Variants in FANCI observed in about 807,000 individuals in gnomAD.
The protein encoded by FANCI is Fanconi anemia group I protein.
Under a neutral mutation model 176.1 loss-of-function variants are expected in FANCI, and 156 were observed. That is an observed-to-expected ratio of 0.89 (90% CI 0.78 to 1.01). The LOEUF (loss-of-function observed/expected upper bound fraction) is 1.01. Among genes scored for constraint, FANCI ranks in the 50% least tolerant of loss-of-function variants. The probability of loss-of-function intolerance (pLI) is 0.00; values close to 1 mark genes in which losing one functional copy is unlikely to be tolerated. For missense variants in FANCI, 1,678 were observed against 1,534.1 expected, an observed-to-expected ratio of 1.09 and a Z score of -1.57; for synonymous variants, 613 against 541.7, an observed-to-expected ratio of 1.13 and a Z score of -1.83.
intron 3 of FANCI, 106 bp from the exon 4 acceptor site, chr15:89,260,607 T>G: frequency 1.1e-4 from 157 of 1,404,024 alleles, no homozygotes; most frequent in Middle Eastern, 2.3e-4. Flanking sequence ...AATCAGTCGT[T>G]TGATAATTCT....
At chr15:89,293,722 T>C (rs1261890420) in intron 22 of FANCI, 111 bp from the exon 23 acceptor site, 1 of 1,052,608 alleles carries the variant, frequency 9.5e-7, no homozygotes, top group African/African-American at 1.6e-5. Context: ...ATTTATAATG[T>C]TACGTCTAAA....
intron 22 of FANCI, among the ~76,000 whole-genome samples, 159 bp from the exon 23 acceptor site, chr15:89,293,674 C>G (rs1323266443): frequency 6.6e-6 from 1 of 152,150 alleles, no homozygotes; most frequent in Non-Finnish European, 1.5e-5. Flanking sequence ...AGATAGATTG[C>G]TGTGACCTGG....
chr15:89,291,750 A>G, intron 20 of FANCI, 36 bp downstream of exon 20: 4 of 1,536,824 alleles, frequency 2.6e-6, no homozygotes, highest in Non-Finnish European at 3.6e-6. Flanking sequence ...CATTATTTTT[A>G]GTATTAAGGA....
At chr15:89,306,351 A>G (rs1450539678) in intron 32 of FANCI, among the ~76,000 whole-genome samples, 157 bp downstream of exon 32, 1 of 152,002 alleles carries the variant, frequency 6.6e-6, no homozygotes, top group Admixed American at 6.6e-5. Flanking sequence ...TTTGGTCAGT[A>G]GGTGGCAGGC....
chr15:89,301,920 TCC>T (rs1288725398), intron 27 of FANCI, among the ~76,000 whole-genome samples: 2 of 152,202 alleles, frequency 1.3e-5, no homozygotes, highest in Non-Finnish European at 2.9e-5. Flanking sequence ...GTAACTATAG[TCC>T]CAAAGCAGAA....
In FANCI at chr15:89,293,962, G is replaced by A. The variant is rs1282555629; in HGVS notation, c.2421G>A (p.Met807Ile). The A allele has an allele frequency of 6.2e-7, 1 of 1,614,046 alleles. No homozygotes were observed. The highest frequency in any genetic ancestry group is 8.5e-7 in the Non-Finnish European group (1 of 1,180,038). The change falls in exon 23 of 38, where the codon ATG becomes ATA. Residue 807 changes from methionine to isoleucine, a missense_variant. Around this residue, in one of 3 missense-constraint regions of FANCI, gnomAD observed 1,204 missense variants for 1,077.4 expected, o/e 1.12. Transcript: ENST00000310775. The part of the protein sequence containing the change: ...ANKTSDSLLS[M>I]KFVSSLLTAL... The stretch of plus-strand genomic sequence containing the variant: ...AGACAAGTGATAGTCTTTTGTCCAT[G>A]AAATTTGTGTCCAGTCTTCTCACTG...
At chr15:89,281,880 T>C (rs748666769) in intron 16 of FANCI, 45 bp downstream of exon 16, 1 of 1,563,278 alleles carries the variant, frequency 6.4e-7, no homozygotes, top group Non-Finnish European at 8.8e-7. Context: ...TGTCTTCTAA[T>C]GTTGGAGCTA....
intron 9 of FANCI, among the ~76,000 whole-genome samples, chr15:89,265,724 C>T (rs1444035729): frequency 2.6e-5 from 4 of 151,830 alleles, no homozygotes; most frequent in Non-Finnish European, 4.4e-5. Context: ...GGGGTTTCAC[C>T]ATGTTGGCCA....
chr15:89,305,265 C>G, intron 29 of FANCI, 23 bp downstream of exon 29: 1 of 1,614,200 alleles, frequency 6.2e-7, no homozygotes. Flanking sequence ...GCCTTCAGTA[C>G]AATACCCTGT....
intron 18 of FANCI, among the ~76,000 whole-genome samples, chr15:89,289,985 C>G (rs2053997977): frequency 6.6e-6 from 1 of 152,062 alleles, no homozygotes. Context: ...AGTTACTTCA[C>G]CTGGCTTCCC....
At chr15:89,303,158 T>G (rs147966252) in intron 27 of FANCI, among the ~76,000 whole-genome samples, 45 of 152,354 alleles carry the variant, frequency 3.0e-4, no homozygotes, top group South Asian at 6.2e-4. Context: ...GAAGATCTTT[T>G]AATATCAGTT....
intron 35 of FANCI, among the ~76,000 whole-genome samples, chr15:89,313,557 A>G (rs2055051018): frequency 6.6e-6 from 1 of 152,238 alleles, no homozygotes; most frequent in Non-Finnish European, 1.5e-5. Context: ...TGTAAGAGTC[A>G]GCGGGGGTAC....
intron 14 of FANCI, 65 bp downstream of exon 14, chr15:89,278,839 TTG>T: frequency 7.1e-7 from 1 of 1,409,818 alleles, no homozygotes; most frequent in Non-Finnish European, 1.0e-6. Flanking sequence ...TCATAATCAT[TTG>T]GTCCTGGGAA....
intron 17 of FANCI, 90 bp downstream of exon 17, chr15:89,283,340 G>T (rs2053689021): frequency 8.2e-6 from 13 of 1,585,068 alleles, no homozygotes; most frequent in Non-Finnish European, 1.1e-5. Flanking sequence ...TCCTGTTATG[G>T]TTGTAAGAAT....
intron 10 of FANCI, among the ~76,000 whole-genome samples, chr15:89,271,369 C>T (rs889007075): frequency 3.9e-5 from 6 of 152,134 alleles, no homozygotes; most frequent in African/African-American, 1.4e-4. Context: ...ATAGATTTAC[C>T]TTTCCTAGAT....
chr15:89,285,560 T>C (rs893304807), intron 18 of FANCI, among the ~76,000 whole-genome samples: 1 of 152,206 alleles, frequency 6.6e-6, no homozygotes, highest in East Asian at 1.9e-4. Context: ...GAGGCTGCAG[T>C]GAGCTATGAT....
chr15:89,303,956 A>G (rs752648866), intron 28 of FANCI, 41 bp downstream of exon 28: 2 of 1,576,490 alleles, frequency 1.3e-6, no homozygotes, highest in African/African-American at 2.7e-5. Flanking sequence ...TTTATATAAA[A>G]TCACTATCCT....
intron 2 of FANCI, among the ~76,000 whole-genome samples, chr15:89,257,000 G>A (rs564947266): frequency 2.0e-5 from 3 of 152,080 alleles, no homozygotes; most frequent in Non-Finnish European, 4.4e-5. Flanking sequence ...TCCGCTTCCC[G>A]GGTTCATGCC....
At chr15:89,314,569 AC>A in intron 35 of FANCI, 42 bp from the exon 36 acceptor site, 1 of 1,469,996 alleles carries the variant, frequency 6.8e-7, no homozygotes, top group Non-Finnish European at 9.5e-7. Flanking sequence ...AACTTCAAAA[AC>A]CATTGAACCT....
Sources: gnomAD v4.1 joint callset for allele counts (sites outside exome capture counted in the v4.1 genomes callset) on GRCh38, gnomAD v4.1.1 for gene constraint, gnomAD v4.1.1 regional missense constraint, MANE v1.5 for transcripts, NCBI Gene and HGNC (gene_info 2026-07-23, HGNC 2026-07-21) for gene names.